The following TRHDE variants were observed in gnomAD, a reference collection of about 807,000 sequenced individuals.
The protein encoded by TRHDE is thyrotropin releasing hormone degrading enzyme, also known as thyrotropin-releasing hormone-degrading ectoenzyme.
In TRHDE, 72 loss-of-function variants were observed where a neutral mutation model predicts 125.7. The ratio of observed to expected loss-of-function variants is 0.57; its 90% confidence interval spans 0.47 to 0.70. The LOEUF (loss-of-function observed/expected upper bound fraction) is 0.70, where lower values mean the gene tolerates loss of function less well. Ranked by LOEUF, TRHDE falls within the 30% of genes least tolerant of loss-of-function variation. The pLI, the probability that TRHDE is intolerant of heterozygous loss-of-function variation, is 0.00. For synonymous variants in TRHDE, 509 were observed against 509.1 expected, an observed-to-expected ratio of 1.00 and a Z score of 0.00; for missense variants, 1,110 against 1,327.1, an observed-to-expected ratio of 0.84 and a Z score of 2.54.
intron 2 of TRHDE, among the ~76,000 whole-genome samples, chr12:72,159,768 T>A (rs913521029): frequency 2.0e-5 from 3 of 152,204 alleles, no homozygotes; most frequent in Admixed American, 2.0e-4. Context: ...AAGTCTGTCC[T>A]CTACATTATG....
At chr12:72,479,237 A>G (rs539016669) in intron 5 of TRHDE, among the ~76,000 whole-genome samples, 1 of 152,312 alleles carries the variant, frequency 6.6e-6, no homozygotes, top group Non-Finnish European at 1.5e-5. Flanking sequence ...CTACAACTGA[A>G]GAATATATAA....
chr12:72,254,121 G>A (rs542682699), intron 2 of TRHDE: 3 of 152,228 alleles, frequency 2.0e-5, no homozygotes, highest in Admixed American at 1.3e-4. Context: ...AGGATTCACT[G>A]TGCCTTAAGC....
At chr12:72,363,149 C>T (rs368397550) in intron 2 of TRHDE, among the ~76,000 whole-genome samples, 1 of 151,806 alleles carries the variant, frequency 6.6e-6, no homozygotes, top group East Asian at 1.9e-4. Flanking sequence ...TATAAATTAT[C>T]TTGGGCAGTA....
chr12:72,381,202 T>C (rs1872160371), intron 3 of TRHDE, among the ~76,000 whole-genome samples: 1 of 152,114 alleles, frequency 6.6e-6, no homozygotes, highest in Non-Finnish European at 1.5e-5. Context: ...AACAAAGAGT[T>C]ATTTAGCCCA....
intron 3 of TRHDE, among the ~76,000 whole-genome samples, chr12:72,416,461 A>G (rs1051600540): frequency 6.6e-6 from 1 of 151,826 alleles, no homozygotes; most frequent in South Asian, 2.1e-4. Flanking sequence ...ATCTTTACCC[A>G]CACCAATGTC....
chr12:72,504,706 GTA>G (rs1423011516), intron 6 of TRHDE, among the ~76,000 whole-genome samples: 1 of 152,232 alleles, frequency 6.6e-6, no homozygotes, highest in Non-Finnish European at 1.5e-5. Flanking sequence ...TCCTGTAGAT[GTA>G]GAGATGGAGT....
At chr12:72,308,272 G>GACC (rs1868385705) in intron 2 of TRHDE, among the ~76,000 whole-genome samples, 1 of 151,986 alleles carries the variant, frequency 6.6e-6, no homozygotes, top group Non-Finnish European at 1.5e-5. Context: ...AAATTGCCTT[G>GACC]ACCCAGTATT....
Position 72,148,595 on chromosome 12 carries a change from G to A in TRHDE, n.279+42843G>A, listed in dbSNP as rs1453090125. ...TATACACACACATACAAATACACAC[G>A]CATATTCATAGCCTCTGATCCTGCC... On this transcript the variant is annotated intron_variant and non_coding_transcript_variant, in intron 2 of 4. Coordinates refer to the TRHDE transcript ENST00000548156. 2.6e-5 allele frequency among the ~76,000 whole-genome samples: 4 copies of A among 152,036 alleles called. No individual in the cohort carries two copies. The East Asian group carries it at 7.7e-4, about 29-fold the overall frequency.
At chr12:72,156,148 T>G (rs953966944) in intron 2 of TRHDE, among the ~76,000 whole-genome samples, 3 of 152,154 alleles carry the variant, frequency 2.0e-5, no homozygotes, top group Non-Finnish European at 4.4e-5. Flanking sequence ...CTCAGACTGC[T>G]GTGCTAGCAA....
intron 2 of TRHDE, among the ~76,000 whole-genome samples, chr12:72,329,338 T>C (rs527990705): frequency 6.6e-6 from 1 of 152,316 alleles, no homozygotes; most frequent in South Asian, 2.1e-4. Flanking sequence ...AAACAAGCAA[T>C]TTTAAAACAT....
chr12:72,595,104 G>A (rs1334609218), intron 12 of TRHDE, among the ~76,000 whole-genome samples: 2 of 122,338 alleles, frequency 1.6e-5, no homozygotes, highest in Admixed American at 1.9e-4. Flanking sequence ...CACACTCTGG[G>A]GACTGTTGTG....
chr12:72,100,541 T>G (rs537342012), intron 1 of TRHDE, among the ~76,000 whole-genome samples: 1 of 152,334 alleles, frequency 6.6e-6, no homozygotes, highest in African/African-American at 2.4e-5. Context: ...ACCCAATCAC[T>G]GTGGTGTGTT....
intron 1 of TRHDE, among the ~76,000 whole-genome samples, chr12:72,094,539 T>G (rs1592437780): frequency 6.6e-6 from 1 of 152,152 alleles, no homozygotes; most frequent in Non-Finnish European, 1.5e-5. Flanking sequence ...CACAGATGGG[T>G]GCATATCTCT....
intron 15 of TRHDE, among the ~76,000 whole-genome samples, chr12:72,639,413 T>G (rs556352765): frequency 6.6e-6 from 1 of 152,252 alleles, no homozygotes; most frequent in South Asian, 2.1e-4. Context: ...CTTCTAAACT[T>G]TTTTCAAAGT....
chr12:72,505,360 A>G (rs534971946), intron 6 of TRHDE, among the ~76,000 whole-genome samples: 216 of 152,188 alleles, frequency 1.4e-3, no homozygotes, highest in Non-Finnish European at 2.4e-3. Flanking sequence ...AATACTGTCC[A>G]TAGACAGGAA....
intron 3 of TRHDE, among the ~76,000 whole-genome samples, chr12:72,458,596 C>T (rs1012146548): frequency 3.9e-5 from 6 of 152,134 alleles, no homozygotes; most frequent in African/African-American, 1.4e-4. Context: ...CATCAGACTT[C>T]TACATTCAGC....
At chr12:72,163,355 C>T (rs892391646) in intron 2 of TRHDE, among the ~76,000 whole-genome samples, 2 of 152,134 alleles carry the variant, frequency 1.3e-5, no homozygotes, top group Admixed American at 6.5e-5. Context: ...AAAGGGATGA[C>T]GGTTCTCTTC....
At chr12:72,151,779 T>C (rs1291846016) in intron 2 of TRHDE, among the ~76,000 whole-genome samples, 3 of 151,644 alleles carry the variant, frequency 2.0e-5, no homozygotes, top group African/African-American at 2.4e-5. Flanking sequence ...ACCAGTACCA[T>C]GCTGTTTTGG....
At chr12:72,153,837 A>G (rs1876431700) in intron 2 of TRHDE, among the ~76,000 whole-genome samples, 1 of 152,278 alleles carries the variant, frequency 6.6e-6, no homozygotes, top group African/African-American at 2.4e-5. Flanking sequence ...ATTTTGGAAT[A>G]GGTGTGGTGT....
Sources: allele counts gnomAD v4.1 joint callset (sites outside exome capture counted in the v4.1 genomes callset), GRCh38; gene constraint gnomAD v4.1.1; transcripts MANE v1.5; gene names NCBI Gene and HGNC (gene_info 2026-07-23, HGNC 2026-07-21).